The following SUFU variants were observed in gnomAD, a reference collection of about 807,000 sequenced individuals.
SUFU encodes the protein SUFU negative regulator of hedgehog signaling.
SUFU carries 7 observed loss-of-function variants against 58.9 expected under a neutral mutation model. The observed-to-expected ratio is 0.12, with a 90% CI of 0.07 to 0.22. The LOEUF is 0.22. SUFU is among the 10% of genes least tolerant of loss of function. The pLI is 1.00. For synonymous variants in SUFU, 232 were observed against 254.8 expected, an observed-to-expected ratio of 0.91 and a Z score of 0.85; for missense variants, 451 against 641.3, an observed-to-expected ratio of 0.70 and a Z score of 3.20.
chr10:102,519,093 A>T (rs546217919), intron 2 of SUFU, among the ~76,000 whole-genome samples: 192 of 144,736 alleles, frequency 1.3e-3, no homozygotes, highest in Middle Eastern at 3.7e-3. Flanking sequence ...GTGAGTGGAG[A>T]TGCGCCACTG....
chr10:102,592,432 T>C (rs1361319439), intron 3 of SUFU, 150 bp from the exon 4 acceptor site: 3 of 848,934 alleles, frequency 3.5e-6, no homozygotes, highest in Admixed American at 2.3e-5. Flanking sequence ...AACTCTTTGC[T>C]TCCATCCGGA....
At chr10:102,613,452 C>CT (rs937946100) in intron 8 of SUFU, among the ~76,000 whole-genome samples, 2 of 152,234 alleles carry the variant, frequency 1.3e-5, no homozygotes, top group African/African-American at 4.8e-5. Context: ...CATCCTCTGT[C>CT]TTTGGCCTGC....
chr10:102,557,036 G>T (rs2062988233), intron 3 of SUFU, among the ~76,000 whole-genome samples: 1 of 151,882 alleles, frequency 6.6e-6, no homozygotes, highest in Non-Finnish European at 1.5e-5. Context: ...GGCGGAGGTT[G>T]CACTACTGCA....
chr10:102,564,044 G>T (rs1232501614), intron 3 of SUFU, among the ~76,000 whole-genome samples: 1 of 152,204 alleles, frequency 6.6e-6, no homozygotes. Flanking sequence ...CCTCAGCATT[G>T]CTGTGCTCAG....
In SUFU at chr10:102,524,474, T is replaced by C. The variant is rs1166227307; in HGVS notation, c.317+15171T>C. Among the ~76,000 whole-genome samples, 8 of 151,702 alleles carry C rather than the reference T, an allele frequency of 5.3e-5. 1 individual carries two copies. The highest frequency in any genetic ancestry group is 1.9e-4 in the African/African-American group (8 of 41,286). Reference sequence around the variant, plus strand: ...CCAAGTAGCTGGGACTACAGGCACGTGCCACCACACCTGGCTAATTTTTAT... The same window carrying C: ...CCAAGTAGCTGGGACTACAGGCACGCGCCACCACACCTGGCTAATTTTTAT... On this transcript the variant is annotated intron_variant, in intron 2 of 11. Coordinates refer to ENST00000369902, the MANE Select transcript of SUFU (RefSeq NM_016169.4).
intron 3 of SUFU, among the ~76,000 whole-genome samples, chr10:102,559,775 T>G (rs1489478926): frequency 6.6e-6 from 1 of 152,234 alleles, no homozygotes; most frequent in African/African-American, 2.4e-5. Context: ...AGAATTCTGC[T>G]GGAGAGGCTA....
intron 3 of SUFU, among the ~76,000 whole-genome samples, chr10:102,586,333 A>G (rs1244662935): frequency 1.3e-5 from 2 of 152,154 alleles, no homozygotes; most frequent in Non-Finnish European, 2.9e-5. Flanking sequence ...CTTATTAGAT[A>G]TATGATTTGC....
intron 1 of SUFU, among the ~76,000 whole-genome samples, chr10:102,508,545 A>C (rs1211004908): frequency 6.6e-6 from 1 of 152,210 alleles, no homozygotes; most frequent in Non-Finnish European, 1.5e-5. Flanking sequence ...AACTAAGTTA[A>C]GCCTAAGTTT....
intron 3 of SUFU, among the ~76,000 whole-genome samples, chr10:102,557,985 C>T (rs1276952994): frequency 2.0e-5 from 3 of 151,874 alleles, no homozygotes; most frequent in East Asian, 1.9e-4. Context: ...ACTGCACCTC[C>T]GCCTCCTGAG....
At chr10:102,573,284 C>T (rs1418603749) in intron 3 of SUFU, 7 of 611,164 alleles carry the variant, frequency 1.1e-5, no homozygotes, top group African/African-American at 1.9e-5. Context: ...GCCTCACAGC[C>T]GTTAGAATGG....
intron 3 of SUFU, among the ~76,000 whole-genome samples, chr10:102,575,848 G>T (rs568623937): frequency 2.0e-4 from 30 of 152,090 alleles, no homozygotes; most frequent in African/African-American, 5.8e-4. Flanking sequence ...ATAAATTTCA[G>T]ATTTTTTTTT....
intron 3 of SUFU, among the ~76,000 whole-genome samples, chr10:102,553,403 G>C (rs1257845583): frequency 6.6e-6 from 1 of 152,046 alleles, no homozygotes; most frequent in Non-Finnish European, 1.5e-5. Context: ...GTTGCAGCAA[G>C]CAAGACAACA....
intron 2 of SUFU, among the ~76,000 whole-genome samples, chr10:102,516,381 T>C (rs550744367): frequency 6.6e-6 from 1 of 152,162 alleles, no homozygotes; most frequent in African/African-American, 2.4e-5. Flanking sequence ...AGACCTGTAT[T>C]GTGGGGGTTC....
At chr10:102,514,712 C>G (rs2062445413) in intron 2 of SUFU, among the ~76,000 whole-genome samples, 1 of 152,202 alleles carries the variant, frequency 6.6e-6, no homozygotes, top group African/African-American at 2.4e-5. Flanking sequence ...GGCCAGCTAG[C>G]TGTGGACTGG....
chr10:102,522,052 T>C (rs1267094771), intron 2 of SUFU, among the ~76,000 whole-genome samples: 1 of 152,242 alleles, frequency 6.6e-6, no homozygotes, highest in African/African-American at 2.4e-5. Flanking sequence ...CTCATCTTCT[T>C]AGTGAGGACT....
intron 1 of SUFU, among the ~76,000 whole-genome samples, chr10:102,507,961 A>ATTT (rs3061832): frequency 2.6e-5 from 3 of 116,578 alleles, no homozygotes; most frequent in Admixed American, 8.8e-5. Flanking sequence ...TTTCTTATCC[A>ATTT]TTTTTTTTTT....
chr10:102,603,536 T>C (rs4919663), intron 8 of SUFU, among the ~76,000 whole-genome samples: 68,996 of 152,086 alleles, frequency 0.45, 16,056 homozygotes, highest in East Asian at 0.68. Flanking sequence ...AGAAGCACTT[T>C]GTAGTTGAGG....
At chr10:102,590,658 C>T (rs561047598) in intron 3 of SUFU, among the ~76,000 whole-genome samples, 4 of 152,000 alleles carry the variant, frequency 2.6e-5, no homozygotes, top group South Asian at 2.1e-4. Context: ...GAAGAGTTTG[C>T]GAAAAGTTGA....
chr10:102,565,713 T>A (rs2063082028), intron 3 of SUFU, among the ~76,000 whole-genome samples: 1 of 151,968 alleles, frequency 6.6e-6, no homozygotes, highest in Non-Finnish European at 1.5e-5. Context: ...CACGGCTAAT[T>A]TTTTTTGTAT....
Sources: allele counts gnomAD v4.1 joint callset (sites outside exome capture counted in the v4.1 genomes callset), GRCh38; gene constraint gnomAD v4.1.1; transcripts MANE v1.5; gene names NCBI Gene and HGNC (gene_info 2026-07-23, HGNC 2026-07-21).